Variants in FRY observed in about 807,000 individuals in gnomAD.
The protein encoded by FRY is FRY microtubule binding protein.
In FRY, 128 loss-of-function variants were observed where a neutral mutation model predicts 348.4. That is an observed-to-expected ratio of 0.37 (90% CI 0.32 to 0.43). The LOEUF (loss-of-function observed/expected upper bound fraction) is 0.43. Ranked by LOEUF, FRY falls within the 20% of genes least tolerant of loss-of-function variation. The pLI, the probability that FRY is intolerant of heterozygous loss-of-function variation, is 1.00. For missense variants in FRY, 2,736 were observed against 3,695.2 expected, an observed-to-expected ratio of 0.74 and a Z score of 6.73; for synonymous variants, 1,370 against 1,374.7, an observed-to-expected ratio of 1.00 and a Z score of 0.08.
chr13:32,045,443 C>T (rs944445503), intron 1 of FRY, among the ~76,000 whole-genome samples: 3 of 152,166 alleles, frequency 2.0e-5, no homozygotes, highest in Admixed American at 6.5e-5. Context: ...TCCTAGAAGT[C>T]CTTCCCATAG....
chr13:32,262,671 G>A (rs566399533), intron 53 of FRY, among the ~76,000 whole-genome samples, 196 bp downstream of exon 53: 3 of 152,276 alleles, frequency 2.0e-5, no homozygotes, highest in South Asian at 2.1e-4. Flanking sequence ...CCACAAACTT[G>A]AGCAGCCATC....
chr13:32,294,320 T>C (rs771664002), intron 59 of FRY, 48 bp from the exon 60 acceptor site: 6 of 1,348,050 alleles, frequency 4.5e-6, no homozygotes, highest in Non-Finnish European at 6.3e-6. Flanking sequence ...GGATGTAAAA[T>C]TCCCCCAGCA....
intron 40 of FRY, among the ~76,000 whole-genome samples, chr13:32,230,912 A>T (rs1316805111): frequency 1.3e-5 from 2 of 152,096 alleles, no homozygotes; most frequent in Non-Finnish European, 2.9e-5. Flanking sequence ...ATAGTCAGTG[A>T]TGTTGAGCTT....
intron 2 of FRY, among the ~76,000 whole-genome samples, chr13:32,099,489 A>T (rs1877008346): frequency 6.6e-6 from 1 of 151,976 alleles, no homozygotes; most frequent in African/African-American, 2.4e-5. Flanking sequence ...TATAATTAAA[A>T]ATTCAAGTTG....
intron 31 of FRY, 37 bp downstream of exon 31, chr13:32,202,564 T>C (rs1213605418): frequency 6.9e-7 from 1 of 1,453,572 alleles, no homozygotes; most frequent in Non-Finnish European, 9.7e-7. Flanking sequence ...TATGTGATCA[T>C]TTCTAATAAT....
intron 1 of FRY, among the ~76,000 whole-genome samples, chr13:32,060,307 A>G (rs972691628): frequency 6.6e-6 from 1 of 152,210 alleles, no homozygotes; most frequent in Non-Finnish European, 1.5e-5. Context: ...AACACTTAAC[A>G]TTCTCCAATA....
At chr13:32,116,133 T>C (rs184931282) in intron 3 of FRY, among the ~76,000 whole-genome samples, 399 of 152,274 alleles carry the variant, frequency 2.6e-3, no homozygotes, top group African/African-American at 9.1e-3. Context: ...TTCTTACTTA[T>C]CTTTAATTAT....
chr13:32,233,877 AAC>A (rs1469712461), intron 41 of FRY, among the ~76,000 whole-genome samples: 5 of 152,216 alleles, frequency 3.3e-5, no homozygotes, highest in Middle Eastern at 3.2e-3. Context: ...GCTCATGGAG[AAC>A]AAATTCCTTT....
intron 47 of FRY, among the ~76,000 whole-genome samples, chr13:32,246,306 AT>A (rs1253405172): frequency 3.3e-5 from 5 of 152,190 alleles, no homozygotes; most frequent in Non-Finnish European, 7.3e-5. Context: ...CTTTCATCAA[AT>A]TTGTTTATCT....
intron 55 of FRY, among the ~76,000 whole-genome samples, chr13:32,271,986 G>T (rs1002650190): frequency 4.2e-4 from 64 of 152,046 alleles, no homozygotes; most frequent in African/African-American, 1.4e-3. Flanking sequence ...TCACCCTATG[G>T]AGCTTATCTG....
chr13:32,178,954 T>C lies in FRY; in HGVS notation c.2792T>C (p.Met931Thr). ...TTTGGAGTTGCAAAACCCAGTATTA[T>C]GAGCCCAGGACACTTAAGAGCTTCC... is the stretch of plus-strand genomic sequence containing the variant. ...LCFGVAKPSI[M>T]SPGHLRASTP... is the part of the protein sequence containing the mutation. The change falls in exon 22 of 61, where the codon ATG becomes ACG. Residue 931 changes from methionine to threonine, a missense_variant. Coordinates refer to ENST00000542859, the MANE Select transcript of FRY (RefSeq NM_023037.3). The C allele has an allele frequency of 6.2e-7, 1 of 1,613,774 alleles. No homozygotes were observed. Among genetic ancestry groups the C allele is most frequent in the East Asian group, 2.2e-5 (1 of 44,876 alleles).
intron 1 of FRY, among the ~76,000 whole-genome samples, chr13:32,050,845 A>G (rs2138401366): frequency 6.6e-6 from 1 of 152,350 alleles, no homozygotes; most frequent in East Asian, 1.9e-4. Context: ...TAATGAAACA[A>G]CAGGTTGTAA....
At chr13:32,208,089 A>G (rs942055488) in intron 31 of FRY, among the ~76,000 whole-genome samples, 5 of 152,242 alleles carry the variant, frequency 3.3e-5, no homozygotes, top group African/African-American at 1.2e-4. Flanking sequence ...TGGTGAAATA[A>G]CTGGACCAGA....
At chr13:32,045,441 G>T (rs1382199947) in intron 1 of FRY, among the ~76,000 whole-genome samples, 1 of 152,116 alleles carries the variant, frequency 6.6e-6, no homozygotes, top group Non-Finnish European at 1.5e-5. Flanking sequence ...TTTCCTAGAA[G>T]TCCTTCCCAT....
chr13:32,155,389 A>G, intron 14 of FRY, 102 bp from the exon 15 acceptor site: 1 of 842,124 alleles, frequency 1.2e-6, no homozygotes, highest in Admixed American at 1.8e-5. Context: ...TCTCATACTC[A>G]TCTACATGCA....
chr13:32,080,442 AAATACTCAAGG>A (rs1875402345), intron 2 of FRY, among the ~76,000 whole-genome samples: 1 of 152,220 alleles, frequency 6.6e-6, no homozygotes, highest in South Asian at 2.1e-4. Context: ...AAAGTTAAGT[AAATACTCAAGG>A]TCACACAGTG....
intron 51 of FRY, among the ~76,000 whole-genome samples, chr13:32,254,608 A>T (rs1011526549): frequency 2.6e-5 from 4 of 152,188 alleles, no homozygotes; most frequent in Non-Finnish European, 5.9e-5. Context: ...AAAAGCTGCC[A>T]AGTTATTTCT....
chr13:32,035,730 C>T (rs1320362709), intron 1 of FRY, among the ~76,000 whole-genome samples: 1 of 152,214 alleles, frequency 6.6e-6, no homozygotes, highest in African/African-American at 2.4e-5. Flanking sequence ...AATCTTGCTA[C>T]ACCATCGAGG....
chr13:32,068,825 A>G (rs1165086006), intron 1 of FRY, among the ~76,000 whole-genome samples: 1 of 152,066 alleles, frequency 6.6e-6, no homozygotes, highest in Non-Finnish European at 1.5e-5. Flanking sequence ...CAATGTATCT[A>G]GGAAAGAATA....
Sources: allele counts gnomAD v4.1 joint callset (sites outside exome capture counted in the v4.1 genomes callset), GRCh38; gene constraint gnomAD v4.1.1; transcripts MANE v1.5; gene names NCBI Gene and HGNC (gene_info 2026-07-23, HGNC 2026-07-21).